CAMSAP2: variants seen among roughly 807,000 people sequenced by gnomAD.
CAMSAP2 encodes calmodulin-regulated spectrin-associated protein 2.
In CAMSAP2, 26 loss-of-function variants were observed where a neutral mutation model predicts 146.1. That is an observed-to-expected ratio of 0.18 (90% confidence interval 0.13 to 0.25). CAMSAP2 has a LOEUF of 0.25. Ranked by LOEUF, CAMSAP2 falls within the 10% of genes least tolerant of loss-of-function variation. CAMSAP2 has a pLI of 1.00. For synonymous variants in CAMSAP2, 499 were observed against 596.6 expected (o/e 0.84, Z 2.38); for missense variants, 1,381 against 1,759.3 (o/e 0.78, Z 3.85).
At chr1:200,847,852 G>C in intron 10 of CAMSAP2, 143 bp downstream of exon 10, 1 of 870,804 alleles carries the variant, frequency 1.1e-6, no homozygotes, top group South Asian at 1.7e-5. Context: ...GCAGATGATA[G>C]AGATGTAAAA....
chr1:200,797,019 C>A (rs1180055416), intron 2 of CAMSAP2, among the ~76,000 whole-genome samples: 5 of 152,194 alleles, frequency 3.3e-5, no homozygotes, highest in Admixed American at 2.6e-4. Flanking sequence ...TTTATGGCTG[C>A]ATAGTATTCC....
intron 2 of CAMSAP2, among the ~76,000 whole-genome samples, chr1:200,805,944 A>G (rs989205227): frequency 2.8e-4 from 42 of 152,334 alleles, no homozygotes; most frequent in African/African-American, 9.4e-4. Context: ...TGGAAAAAAC[A>G]GCCGCTAGTT....
At chr1:200,842,983 A>C (rs1571822336) in intron 7 of CAMSAP2, among the ~76,000 whole-genome samples, 1 of 151,930 alleles carries the variant, frequency 6.6e-6, no homozygotes, top group Admixed American at 6.6e-5. Context: ...CTCAAAAAAA[A>C]AAGAAAAAAA....
Position 200,807,361 on chromosome 1 carries a change from G to A in CAMSAP2, c.400-15G>A, listed in dbSNP as rs1416810759. On this transcript the variant is annotated splice_polypyrimidine_tract_variant and intron_variant, in intron 2 of 16. Transcript: ENST00000358823. ...TATAATTTTTAAACTATTTGTTCTT[G>A]TTTTATATTTTCAGAGTGCACATTT... 1.4e-6 allele frequency: 2 copies of A among 1,470,156 alleles called. No homozygotes were observed. Among genetic ancestry groups the A allele is most frequent in the African/African-American group, 2.9e-5 (2 of 69,994 alleles). The allele number at this position is 1,470,156 out of a possible 1,614,324, so 91.1% of individuals were successfully genotyped here.
intron 8 of CAMSAP2, among the ~76,000 whole-genome samples, chr1:200,845,085 A>G (rs1481295204): frequency 6.6e-6 from 1 of 152,228 alleles, no homozygotes; most frequent in East Asian, 1.9e-4. Flanking sequence ...AGATGGGACA[A>G]TATATTCTAA....
At chr1:200,819,548 A>G (rs1666693452) in intron 4 of CAMSAP2, among the ~76,000 whole-genome samples, 1 of 152,230 alleles carries the variant, frequency 6.6e-6, no homozygotes, top group Non-Finnish European at 1.5e-5. Flanking sequence ...AGTATTGCAC[A>G]TAAAGTCAGG....
At chr1:200,755,980 A>G (rs1253806932) in intron 1 of CAMSAP2, among the ~76,000 whole-genome samples, 3 of 152,206 alleles carry the variant, frequency 2.0e-5, no homozygotes, top group Non-Finnish European at 4.4e-5. Flanking sequence ...CCTCTAGTGC[A>G]TGGGCCAAAA....
intron 4 of CAMSAP2, among the ~76,000 whole-genome samples, chr1:200,819,582 C>G (rs1282456757): frequency 6.6e-6 from 1 of 152,056 alleles, no homozygotes; most frequent in Non-Finnish European, 1.5e-5. Flanking sequence ...TAAATAGCTT[C>G]ATGACCTTTA....
In CAMSAP2 at chr1:200,858,901, A is replaced by G. The variant is rs995717670; in HGVS notation, c.*842A>G. ...TATCTCTTTTAAAGTAAGTCACTTT[A>G]TAAGTTGGCAGAAGTGAATGACACT... On this transcript the variant is annotated 3_prime_UTR_variant, in exon 17 of 17. Transcript: ENST00000358823. 6.6e-6 allele frequency: 1 copy of G among 152,428 alleles called. No individual in the cohort carries two copies. Among genetic ancestry groups the G allele is most frequent in the Admixed American group, 6.5e-5 (1 of 15,268 alleles). 9.4% of individuals were successfully genotyped at this position (152,428 alleles called of 1,614,324 possible).
At chr1:200,746,095 T>G (rs914646993) in intron 1 of CAMSAP2, among the ~76,000 whole-genome samples, 1 of 152,206 alleles carries the variant, frequency 6.6e-6, no homozygotes, top group African/African-American at 2.4e-5. Flanking sequence ...AGAAGATTTG[T>G]TTTTAGAAAA....
chr1:200,816,285 C>G (rs1207288956), intron 4 of CAMSAP2, among the ~76,000 whole-genome samples: 1 of 141,284 alleles, frequency 7.1e-6, no homozygotes, highest in Non-Finnish European at 1.5e-5. Context: ...GAGACTCCAT[C>G]TCAAACAAAA....
chr1:200,774,616 A>G (rs984138753), intron 2 of CAMSAP2, among the ~76,000 whole-genome samples: 1 of 152,238 alleles, frequency 6.6e-6, no homozygotes, highest in Non-Finnish European at 1.5e-5. Context: ...TGAAGGAATC[A>G]TGTGTTATTA....
intron 2 of CAMSAP2, among the ~76,000 whole-genome samples, chr1:200,774,930 G>A (rs1665230318): frequency 6.6e-6 from 1 of 152,134 alleles, no homozygotes; most frequent in Non-Finnish European, 1.5e-5. Flanking sequence ...GTACTTTTTG[G>A]TTACGGGATG....
In CAMSAP2 at chr1:200,832,018, T is replaced by C; in HGVS notation, c.646-182T>C. On this transcript the variant is annotated intron_variant, in intron 4 of 16. Transcript: ENST00000358823. The surrounding 1 kb of genome is among the most constrained non-coding windows in gnomAD (Gnocchi z 4.2). ...GTATTGAGCTTCAAAACTATAGCTATTGTTGCCGTGTATTTAACTTTGGTA... is the reference window on the plus strand; with the variant it reads ...GTATTGAGCTTCAAAACTATAGCTACTGTTGCCGTGTATTTAACTTTGGTA... 1.9e-6 allele frequency: 1 copy of C among 540,020 alleles called. No homozygotes were observed. Among genetic ancestry groups the C allele is most frequent in the Non-Finnish European group, 3.3e-6 (1 of 307,520 alleles). The allele number at this position is 540,020 out of a possible 1,614,324, so 33.5% of individuals were successfully genotyped here.
At chr1:200,806,765 GTA>G (rs774300193) in intron 2 of CAMSAP2, among the ~76,000 whole-genome samples, 6,705 of 140,000 alleles carry the variant, frequency 0.048, 221 homozygotes, top group East Asian at 0.15. Context: ...GTGTGTGTGT[GTA>G]TCTATCTATC....
chr1:200,761,035 T>G lies in CAMSAP2; in HGVS notation c.336T>G (p.Leu112=). Residue 112 remains leucine (L), a synonymous_variant, in exon 2 of 17, where the codon CTT becomes CTG. Transcript: ENST00000358823. The part of the protein sequence containing the change: ...AVIQALAQKG[L]YVTDQEKLVT... The stretch of plus-strand genomic sequence containing the variant: ...TCCAGGCTTTAGCACAGAAAGGTCT[T>G]TATGTCACTGACCAGGAAAAATTGG... The G allele has an allele frequency of 6.2e-7, 1 of 1,614,130 alleles. No homozygotes were observed.
At chr1:200,759,289 T>C (rs1254506447) in intron 1 of CAMSAP2, among the ~76,000 whole-genome samples, 1 of 151,558 alleles carries the variant, frequency 6.6e-6, no homozygotes, top group African/African-American at 2.4e-5. Context: ...TATTTTTTTT[T>C]TTTTTTTGAG....
chr1:200,750,333 CT>C (rs1311081117), intron 1 of CAMSAP2, among the ~76,000 whole-genome samples: 2 of 152,056 alleles, frequency 1.3e-5, no homozygotes, highest in Non-Finnish European at 2.9e-5. Context: ...ACTTGTTCGG[CT>C]CGATGGATTG....
At chr1:200,843,903 G>A (rs1195362229) in intron 7 of CAMSAP2, among the ~76,000 whole-genome samples, 2 of 151,366 alleles carry the variant, frequency 1.3e-5, no homozygotes, top group Non-Finnish European at 2.9e-5. Flanking sequence ...ATGGAGTCTC[G>A]CTCTGTTGCC....
Sources: gnomAD v4.1 joint callset for allele counts (sites outside exome capture counted in the v4.1 genomes callset) on GRCh38, gnomAD v4.1.1 for gene constraint, Gnocchi (gnomAD v3.1) non-coding constraint, MANE v1.5 for transcripts, NCBI Gene and HGNC (gene_info 2026-07-23, HGNC 2026-07-21) for gene names.